Variants in RNF130 observed in about 807,000 individuals in gnomAD.
The protein encoded by RNF130 is E3 ubiquitin-protein ligase RNF130.
A neutral mutation model predicts 44.6 loss-of-function variants in RNF130; 21 were observed. The ratio of observed to expected loss-of-function variants is 0.47; its 90% CI spans 0.33 to 0.68. The LOEUF (loss-of-function observed/expected upper bound fraction) is 0.68, where lower values mean the gene tolerates loss of function less well. RNF130 is among the 30% of genes least tolerant of loss of function. RNF130 has a pLI of 0.02. For missense variants in RNF130, 479 were observed against 560.6 expected (o/e 0.85, Z 1.47); for synonymous variants, 214 against 210.4 (o/e 1.02, Z -0.15).
intron 3 of RNF130, among the ~76,000 whole-genome samples, chr5:179,996,387 T>G (rs1353974339): frequency 6.6e-6 from 1 of 152,244 alleles, no homozygotes; most frequent in Non-Finnish European, 1.5e-5. Context: ...GTGGGCATCC[T>G]GTGTTTTTCC....
chr5:180,034,093 C>CTT (rs34870362), intron 2 of RNF130, among the ~76,000 whole-genome samples: 35 of 145,440 alleles, frequency 2.4e-4, no homozygotes, highest in Middle Eastern at 3.5e-3. Context: ...GTGTTAAATG[C>CTT]TTTTTTTTTT....
intron 1 of RNF130, among the ~76,000 whole-genome samples, chr5:180,047,579 T>C (rs1561706568): frequency 6.6e-6 from 1 of 152,130 alleles, no homozygotes; most frequent in Non-Finnish European, 1.5e-5. Flanking sequence ...ACCCTGTCTC[T>C]ATTAAAAATA....
intron 7 of RNF130, among the ~76,000 whole-genome samples, chr5:179,929,473 C>T (rs568323709): frequency 2.0e-5 from 3 of 152,188 alleles, no homozygotes; most frequent in Admixed American, 1.3e-4. Context: ...TCAGGCTGGG[C>T]GTGGTGGCTC....
At chr5:179,961,209 C>T (rs990001812) in intron 8 of RNF130, among the ~76,000 whole-genome samples, 4 of 152,168 alleles carry the variant, frequency 2.6e-5, no homozygotes, top group Admixed American at 1.3e-4. Context: ...AGCATCCTTG[C>T]TCGTATCCAC....
At chr5:179,917,892 G>C (rs186940575) in exon 8 of RNF130, 2 of 152,434 alleles carry the variant, frequency 1.3e-5, no homozygotes, top group Admixed American at 1.3e-4. Context: ...TGTGGTGCCA[G>C]CTACTCGGTG....
intron 3 of RNF130, among the ~76,000 whole-genome samples, chr5:179,997,848 T>A (rs1763240186): frequency 6.6e-6 from 1 of 152,098 alleles, no homozygotes; most frequent in South Asian, 2.1e-4. Flanking sequence ...TGCTTTGTTT[T>A]CACTTGTTTT....
At chr5:179,948,419 C>T (rs1762075316) in intron 7 of RNF130, among the ~76,000 whole-genome samples, 1 of 152,152 alleles carries the variant, frequency 6.6e-6, no homozygotes, top group African/African-American at 2.4e-5. Flanking sequence ...CCTGTAATCC[C>T]AGCACTTTGG....
intron 5 of RNF130, among the ~76,000 whole-genome samples, chr5:179,971,364 A>G (rs1259878460): frequency 6.6e-6 from 1 of 152,114 alleles, no homozygotes; most frequent in East Asian, 1.9e-4. Context: ...ATAAGATAAA[A>G]GAAATTTTTG....
intron 1 of RNF130, among the ~76,000 whole-genome samples, chr5:180,065,527 G>T (rs372911984): frequency 6.6e-6 from 1 of 152,120 alleles, no homozygotes; most frequent in African/African-American, 2.4e-5. Context: ...TTGGGAGGCC[G>T]AGACAGGCGG....
chr5:180,069,121 C>G (rs1450099649), intron 1 of RNF130, among the ~76,000 whole-genome samples: 2 of 152,112 alleles, frequency 1.3e-5, no homozygotes, highest in Non-Finnish European at 2.9e-5. Flanking sequence ...AAATAAATTC[C>G]TAAGTTCCTA....
chr5:179,960,271 CTTCT>C (rs1355422056), intron 8 of RNF130, among the ~76,000 whole-genome samples: 1 of 152,202 alleles, frequency 6.6e-6, no homozygotes, highest in Non-Finnish European at 1.5e-5. Context: ...CATTTATTCA[CTTCT>C]TTGACTACCA....
chr5:180,008,982 A>G (rs1184093252), intron 3 of RNF130, among the ~76,000 whole-genome samples: 1 of 152,246 alleles, frequency 6.6e-6, no homozygotes, highest in Non-Finnish European at 1.5e-5. Flanking sequence ...CAAAAGAAAA[A>G]AATACATAGG....
At chr5:180,065,539 T>C (rs190915670) in intron 1 of RNF130, among the ~76,000 whole-genome samples, 11 of 152,256 alleles carry the variant, frequency 7.2e-5, no homozygotes, top group East Asian at 3.9e-4. Context: ...GACAGGCGGA[T>C]CATGAGGTCA....
intron 3 of RNF130, among the ~76,000 whole-genome samples, chr5:180,011,756 C>T (rs1191705603): frequency 6.6e-6 from 1 of 150,890 alleles, no homozygotes; most frequent in South Asian, 2.1e-4. Flanking sequence ...CAGGGCAAGA[C>T]CCTGTCTCTT....
Position 180,060,607 on chromosome 5 carries a change from A to G in RNF130, c.247+10849T>C, listed in dbSNP as rs1378148167. 3.3e-5 allele frequency among the ~76,000 whole-genome samples: 5 copies of G among 152,176 alleles called. No homozygotes were observed. In the East Asian group the frequency reaches 7.7e-4, roughly 23 times the overall value. On this transcript the variant is annotated intron_variant, in intron 1 of 8. Coordinates refer to ENST00000521389, the MANE Select transcript of RNF130 (RefSeq NM_018434.6). Reference sequence around the variant, plus strand: ...CTTGCCAGCACTTCCACCCTAACTTAGCGCAGGGATTCTTAACTTGGGGCT... The same window carrying G: ...CTTGCCAGCACTTCCACCCTAACTTGGCGCAGGGATTCTTAACTTGGGGCT...
chr5:180,026,364 A>C (rs1325963031), intron 2 of RNF130, among the ~76,000 whole-genome samples: 1 of 152,252 alleles, frequency 6.6e-6, no homozygotes, highest in Non-Finnish European at 1.5e-5. Context: ...TAAATCTTTA[A>C]AAACCAGGAA....
At chr5:180,036,630 G>A (rs1260051424) in intron 2 of RNF130, among the ~76,000 whole-genome samples, 12 of 152,142 alleles carry the variant, frequency 7.9e-5, no homozygotes, top group South Asian at 4.1e-4. Flanking sequence ...TGGCTGTTTC[G>A]TCAATTTTGT....
In RNF130 at chr5:179,924,228, G is replaced by A. The variant is rs545234428; in HGVS notation, c.1151-3802C>T. On this transcript the variant is annotated intron_variant, in intron 7 of 7. Transcript: ENST00000522208. ...ATAAAAATTACTGCTGGGCGTGGTGGCTCACGCCTGTAATCCCAGCACTTT... is the reference window on the plus strand; with the variant it reads ...ATAAAAATTACTGCTGGGCGTGGTGACTCACGCCTGTAATCCCAGCACTTT... Among the ~76,000 whole-genome samples, 6 of 152,208 alleles carry A rather than the reference G, an allele frequency of 3.9e-5. No individual in the cohort carries two copies. In the South Asian group the frequency reaches 1.2e-3, roughly 32 times the overall value.
At chr5:180,062,672 A>G (rs1184122327) in intron 1 of RNF130, among the ~76,000 whole-genome samples, 1 of 152,106 alleles carries the variant, frequency 6.6e-6, no homozygotes, top group Non-Finnish European at 1.5e-5. Flanking sequence ...TACCTGAACC[A>G]TTTTTTTCCA....
Sources: gnomAD v4.1 joint callset for allele counts (sites outside exome capture counted in the v4.1 genomes callset) on GRCh38, gnomAD v4.1.1 for gene constraint, MANE v1.5 for transcripts, NCBI Gene and HGNC (gene_info 2026-07-23, HGNC 2026-07-21) for gene names.